CNGB1: variants seen among roughly 807,000 people sequenced by gnomAD.
CNGB1 encodes the protein cyclic nucleotide gated channel subunit beta 1.
In CNGB1, 126 loss-of-function variants were observed where a neutral mutation model predicts 151.7. That is an observed-to-expected ratio of 0.83 (90% CI 0.72 to 0.96). The LOEUF (loss-of-function observed/expected upper bound fraction) is 0.96. Ranked by LOEUF, CNGB1 falls within the 40% of genes least tolerant of loss-of-function variation. CNGB1 has a pLI of 0.00. For missense variants in CNGB1, 1,698 were observed against 1,627.0 expected (o/e 1.04, Z -0.75); for synonymous variants, 623 against 635.1 (o/e 0.98, Z 0.29).
intron 32 of CNGB1, among the ~76,000 whole-genome samples, chr16:57,885,383 G>C (rs2149350654): frequency 6.6e-6 from 1 of 152,228 alleles, no homozygotes; most frequent in African/African-American, 2.4e-5. Context: ...AAGAACCCAA[G>C]GCCTCTCTTG....
chr16:57,946,321 C>T (rs1269583240), intron 14 of CNGB1: 2 of 152,676 alleles, frequency 1.3e-5, no homozygotes, highest in Non-Finnish European at 2.9e-5. Flanking sequence ...GCAGACTGTC[C>T]ACCTGAAATC....
intron 15 of CNGB1, among the ~76,000 whole-genome samples, chr16:57,939,855 T>A (rs1238184143): frequency 6.6e-6 from 1 of 152,102 alleles, no homozygotes; most frequent in Non-Finnish European, 1.5e-5. Context: ...GCCTGGCACA[T>A]GGGGGAACAA....
chr16:57,966,796 A>T (rs1045384620), intron 2 of CNGB1, among the ~76,000 whole-genome samples: 7 of 152,204 alleles, frequency 4.6e-5, no homozygotes, highest in Non-Finnish European at 1.0e-4. Flanking sequence ...ATTTTATTGG[A>T]ACCCAGCTAT....
At position 57,910,819 on chromosome 16, in the gene CNGB1, G is replaced by A. The variant is rs182770761; in HGVS notation, c.2492+934C>T. Among the ~76,000 whole-genome samples, 28 of 151,646 alleles carry A rather than the reference G, an allele frequency of 1.8e-4. No homozygotes were observed. In the East Asian group the frequency reaches 3.1e-3, roughly 17 times the overall value. On this transcript the variant is annotated intron_variant, in intron 25 of 32. Transcript: ENST00000251102. ...TGTATTGATTGATGTATCCTGTCCCGCTAAAATGTATAAAAGCAAGCTGCA... is the reference window on the plus strand; with the variant it reads ...TGTATTGATTGATGTATCCTGTCCCACTAAAATGTATAAAAGCAAGCTGCA...
chr16:57,965,867 T>A (rs9941079), intron 2 of CNGB1, among the ~76,000 whole-genome samples: 88,106 of 152,072 alleles, frequency 0.58, 26,431 homozygotes, highest in Non-Finnish European at 0.67. Flanking sequence ...ACATACATTG[T>A]CATGTATACC....
intron 26 of CNGB1, 115 bp downstream of exon 26, chr16:57,904,619 G>A (rs1195981461): frequency 4.9e-6 from 7 of 1,440,968 alleles, no homozygotes; most frequent in Non-Finnish European, 1.9e-6. Context: ...TCAGTCTAGT[G>A]CCCTTTCCCA....
At chr16:57,892,072 CAAAAAAAA>C (rs34104252) in intron 31 of CNGB1, among the ~76,000 whole-genome samples, 4 of 96,308 alleles carry the variant, frequency 4.2e-5, no homozygotes, top group African/African-American at 1.4e-4. Context: ...CACAAAAATG[CAAAAAAAA>C]AAAAAAAAAA....
At chr16:57,884,598 G>T in intron 32 of CNGB1, 141 bp from the exon 33 acceptor site, 1 of 852,376 alleles carries the variant, frequency 1.2e-6, no homozygotes, top group Non-Finnish European at 1.9e-6. Flanking sequence ...TAGTGGGTGG[G>T]GTGGAGCCGC....
intron 12 of CNGB1, chr16:57,954,671 C>T (rs1962039333): frequency 2.0e-6 from 2 of 982,962 alleles, no homozygotes; most frequent in Non-Finnish European, 2.4e-6. Context: ...AATGCAATCA[C>T]AGGTTTGATG....
Position 57,959,966 on chromosome 16 carries a change from T to C in CNGB1, c.683A>G (p.Lys228Arg), listed in dbSNP as rs1158352275. The C allele has an allele frequency of 3.8e-6, 6 of 1,591,794 alleles. No individual in the cohort carries two copies. The highest frequency in any genetic ancestry group is 5.1e-6 in the Non-Finnish European group (6 of 1,168,496). Residue 228 changes from lysine (K) to arginine (R), a missense_variant, in exon 10 of 33, where the codon AAG becomes AGG. Physicochemically the swap from Lys to Arg is conservative, Grantham distance 26. Transcript: ENST00000251102. ...CTGGGGCTCTGGAGCTGGTGCCTCC[T>C]TGGGTTCCTCCTTGGGCTGCAGGGG... ...PIPLQPKEEP[K>R]EAPAPEPQPG...
chr16:57,948,254 G>A (rs1961856634), intron 14 of CNGB1, among the ~76,000 whole-genome samples: 1 of 151,784 alleles, frequency 6.6e-6, no homozygotes, highest in Non-Finnish European at 1.5e-5. Context: ...ATCGCCTTTG[G>A]GAAAACAAGT....
intron 25 of CNGB1, 88 bp from the exon 26 acceptor site, chr16:57,904,963 G>C: frequency 6.6e-7 from 1 of 1,516,802 alleles, no homozygotes; most frequent in Non-Finnish European, 9.1e-7. Flanking sequence ...TCTGATAGAT[G>C]CATGTTGTGC....
intron 17 of CNGB1, among the ~76,000 whole-genome samples, chr16:57,928,015 G>A (rs1961240611): frequency 1.3e-5 from 2 of 152,184 alleles, no homozygotes; most frequent in South Asian, 2.1e-4. Flanking sequence ...CCTCAGCTGA[G>A]CAATTACTCA....
intron 18 of CNGB1, among the ~76,000 whole-genome samples, chr16:57,921,112 ATATCTTTTT>A (rs1452577033): frequency 1.3e-4 from 20 of 149,286 alleles, no homozygotes; most frequent in African/African-American, 4.5e-4. Context: ...GCTGAGCTGA[ATATCTTTTT>A]TATCTTTTTT....
chr16:57,884,181 C>A lies in CNGB1; in HGVS notation c.3739G>T (p.Glu1247Ter), dbSNP rs561430118. Residue 1247 changes from glutamate (E) to a stop codon, truncating the protein, a stop_gained, in exon 33 of 33, where the codon GAG becomes TAG. Transcript: ENST00000251102. LOFTEE classifies it high-confidence loss of function. ...ACCCCACCTTACTCCGCCTTCTCCTCCCTTTCCTCCGGCATCTTCACCGAC... is the reference window on the plus strand; with the variant it reads ...ACCCCACCTTACTCCGCCTTCTCCTACCTTTCCTCCGGCATCTTCACCGAC... ...ILSVKMPEER[E>*]EKAE The A allele has an allele frequency of 6.2e-7, 1 of 1,613,950 alleles. No homozygotes were observed. Among genetic ancestry groups the A allele is most frequent in the African/African-American group, 1.3e-5 (1 of 74,942 alleles).
chr16:57,904,096 G>T, intron 26 of CNGB1, 115 bp from the exon 27 acceptor site: 1 of 917,028 alleles, frequency 1.1e-6, no homozygotes. Flanking sequence ...GCTCCTGGCA[G>T]GGCGTTGGGA....
chr16:57,945,889 T>C (rs1484163371), intron 14 of CNGB1, among the ~76,000 whole-genome samples: 2 of 152,256 alleles, frequency 1.3e-5, no homozygotes, highest in African/African-American at 4.8e-5. Flanking sequence ...TCTGCAGGGT[T>C]ATGAAATCAC....
rs189261750 is a variant in CNGB1, at chr16:57,901,551, C to T, written c.2869G>A (p.Val957Ile). 53 of 1,614,146 alleles carry T rather than the reference C, an allele frequency of 3.3e-5. 1 individual carries two copies. In the African/African-American group the frequency reaches 5.6e-4, roughly 17 times the overall value. The stretch of plus-strand genomic sequence containing the variant: ...ACCTGAAAGAGTGCGACTTTGCTAA[C>T]GATGTTGTAGTTCACGTCGATGGCG... Reference protein sequence around the residue: ...DLAIDVNYNIVSKVALFQGCD... With the variant: ...DLAIDVNYNIISKVALFQGCD... Residue 957 changes from valine to isoleucine, a missense_variant, in exon 28 of 33, where the codon GTT (valine) becomes ATT (isoleucine). Transcript: ENST00000251102.
chr16:57,949,132 GT>G (rs377218716), intron 14 of CNGB1, among the ~76,000 whole-genome samples: 124 of 148,008 alleles, frequency 8.4e-4, no homozygotes, highest in African/African-American at 2.4e-3. Flanking sequence ...TCTAGTGTGT[GT>G]GGGGGGGGAT....
Sources: gnomAD v4.1 joint callset for allele counts (sites outside exome capture counted in the v4.1 genomes callset) on GRCh38, gnomAD v4.1.1 for gene constraint, MANE v1.5 for transcripts, NCBI Gene and HGNC (gene_info 2026-07-23, HGNC 2026-07-21) for gene names.